The following COL22A1 variants were observed in gnomAD, a reference collection of about 807,000 sequenced individuals.
COL22A1 encodes the protein collagen alpha-1(XXII) chain.
A neutral mutation model predicts 248.9 loss-of-function variants in COL22A1; 221 were observed. The observed-to-expected ratio is 0.89, with a 90% CI of 0.80 to 0.99. The LOEUF (loss-of-function observed/expected upper bound fraction) is 0.99, where lower values mean the gene tolerates loss of function less well. COL22A1 is among the 50% of genes least tolerant of loss of function. The pLI is 0.00. For synonymous variants in COL22A1, 891 were observed against 793.4 expected, an observed-to-expected ratio of 1.12 and a Z score of -2.07; for missense variants, 2,240 against 2,179.0, an observed-to-expected ratio of 1.03 and a Z score of -0.56.
intron 12 of COL22A1, among the ~76,000 whole-genome samples, chr8:138,793,011 A>G (rs1035324702): frequency 1.3e-5 from 2 of 152,190 alleles, no homozygotes; most frequent in Non-Finnish European, 2.9e-5. Context: ...TAATGATGGG[A>G]GAGTAAGTAT....
At chr8:138,692,815 C>T (rs565437462) in intron 35 of COL22A1, among the ~76,000 whole-genome samples, 1 of 152,224 alleles carries the variant, frequency 6.6e-6, no homozygotes, top group Non-Finnish European at 1.5e-5. Flanking sequence ...GCTCTCTCCA[C>T]AAGCAGGGAG....
chr8:138,592,406 A>G (rs1817146719), intron 63 of COL22A1, among the ~76,000 whole-genome samples: 4 of 152,200 alleles, frequency 2.6e-5, no homozygotes. Context: ...ACTTCAGACC[A>G]TTCATTTTTA....
In COL22A1 at chr8:138,719,831, G is replaced by T. The variant is rs191540367; in HGVS notation, c.2355+908C>A. On this transcript the variant is annotated intron_variant, in intron 27 of 64. Coordinates refer to ENST00000303045, the MANE Select transcript of COL22A1 (RefSeq NM_152888.3). ...CTTGCCTGTGGGCGGGCAGTGGGAG[G>T]TGCAGAGTTGACTAAGACCCGGTCA... 6.4e-3 allele frequency among the ~76,000 whole-genome samples: 969 copies of T among 152,316 alleles called. 9 individuals are homozygous for T. Among genetic ancestry groups the T allele is most frequent in the African/African-American group, 0.021 (880 of 41,570 alleles).
chr8:138,612,454 T>A (rs918754555), intron 56 of COL22A1, among the ~76,000 whole-genome samples: 1 of 152,176 alleles, frequency 6.6e-6, no homozygotes, highest in African/African-American at 2.4e-5. Context: ...TATGTATCCA[T>A]CATATGGAAT....
intron 25 of COL22A1, 86 bp downstream of exon 25, chr8:138,724,529 C>A: frequency 7.4e-7 from 1 of 1,358,308 alleles, no homozygotes; most frequent in East Asian, 2.4e-5. Flanking sequence ...GAAAGTGGCT[C>A]TGGGCCAGCT....
chr8:138,636,041 G>T (rs1343080293), intron 48 of COL22A1, among the ~76,000 whole-genome samples: 2 of 152,200 alleles, frequency 1.3e-5, no homozygotes, highest in African/African-American at 4.8e-5. Flanking sequence ...AGATGCAGAA[G>T]AGAGGGAGAA....
chr8:138,897,439 C>T (rs985522228), intron 1 of COL22A1, among the ~76,000 whole-genome samples: 1 of 152,008 alleles, frequency 6.6e-6, no homozygotes, highest in Non-Finnish European at 1.5e-5. Flanking sequence ...ATCACAGCTA[C>T]TCAGGAGGCT....
Position 138,600,236 on chromosome 8 carries a change from G to A in COL22A1, c.4186-1338C>T, listed in dbSNP as rs527718207. 4.6e-5 allele frequency among the ~76,000 whole-genome samples: 7 copies of A among 152,324 alleles called. No individual in the cohort carries two copies. In the South Asian group the frequency reaches 1.4e-3, roughly 32 times the overall value. ...GATTAGTTGGTCTGAAAATATGGCA[G>A]CCACATTAATGGCCTCAGAGATAAT... On this transcript the variant is annotated intron_variant, in intron 60 of 64. Transcript: ENST00000303045.
chr8:138,805,752 G>A (rs1817535155), intron 10 of COL22A1, among the ~76,000 whole-genome samples: 1 of 147,426 alleles, frequency 6.8e-6, no homozygotes, highest in South Asian at 2.2e-4. Flanking sequence ...GATGGTGTGT[G>A]TGTGTGTAAT....
chr8:138,627,941 A>G (rs529237244), intron 50 of COL22A1, among the ~76,000 whole-genome samples: 3 of 152,204 alleles, frequency 2.0e-5, no homozygotes, highest in Non-Finnish European at 4.4e-5. Flanking sequence ...CGCTGACCAA[A>G]AGTGAGTCAT....
chr8:138,788,404 C>G (rs1445507110), intron 12 of COL22A1, among the ~76,000 whole-genome samples: 1 of 152,118 alleles, frequency 6.6e-6, no homozygotes, highest in Non-Finnish European at 1.5e-5. Context: ...TAGTGAATAG[C>G]CTGTAAAACA....
intron 50 of COL22A1, among the ~76,000 whole-genome samples, chr8:138,630,319 C>T (rs1369937529): frequency 6.6e-6 from 1 of 152,160 alleles, no homozygotes; most frequent in Non-Finnish European, 1.5e-5. Flanking sequence ...CTGGTGCACA[C>T]CATAGTCCTA....
At chr8:138,870,538 A>G (rs1823253025) in intron 3 of COL22A1, among the ~76,000 whole-genome samples, 1 of 150,822 alleles carries the variant, frequency 6.6e-6, no homozygotes, top group Non-Finnish European at 1.5e-5. Flanking sequence ...GTGCCTAGAT[A>G]TAGACTGTGT....
chr8:138,660,776 GCATGCACA>G (rs1823755534), intron 43 of COL22A1, among the ~76,000 whole-genome samples: 1 of 134,546 alleles, frequency 7.4e-6, no homozygotes. Context: ...GTGCATGCAC[GCATGCACA>G]CACACACACA....
At chr8:138,689,900 G>A (rs75013481) in intron 36 of COL22A1, among the ~76,000 whole-genome samples, 3,996 of 152,230 alleles carry the variant, frequency 0.026, 182 homozygotes, top group African/African-American at 0.091. Flanking sequence ...CACCCATCAC[G>A]TGGCTCAACA....
intron 7 of COL22A1, among the ~76,000 whole-genome samples, chr8:138,814,085 C>T (rs922196979): frequency 1.3e-5 from 2 of 152,252 alleles, no homozygotes; most frequent in Non-Finnish European, 2.9e-5. Context: ...AAAGCCCAGG[C>T]CCTTTCGTGG....
intron 1 of COL22A1, among the ~76,000 whole-genome samples, chr8:138,902,739 T>TATATATACACACACACACACACAC (rs763466994): frequency 2.4e-4 from 23 of 93,884 alleles, no homozygotes; most frequent in Admixed American, 4.1e-4. Context: ...TATATATATA[T>TATATATACACACACACACACACAC]ACACACACAC....
At chr8:138,658,188 G>A (rs1823464685) in intron 44 of COL22A1, among the ~76,000 whole-genome samples, 1 of 152,174 alleles carries the variant, frequency 6.6e-6, no homozygotes, top group South Asian at 2.1e-4. Context: ...CTGAGGGATG[G>A]AACTGTGTAA....
intron 22 of COL22A1, among the ~76,000 whole-genome samples, chr8:138,747,345 A>G (rs1324960930): frequency 6.6e-6 from 1 of 152,168 alleles, no homozygotes; most frequent in Non-Finnish European, 1.5e-5. Context: ...TTTCATCATA[A>G]ACTTGTTTTT....
Sources: allele counts gnomAD v4.1 joint callset (sites outside exome capture counted in the v4.1 genomes callset), GRCh38; gene constraint gnomAD v4.1.1; transcripts MANE v1.5; gene names NCBI Gene and HGNC (gene_info 2026-07-23, HGNC 2026-07-21).